Variants in NCOA2 observed in about 807,000 individuals in gnomAD.
The protein encoded by NCOA2 is class E basic helix-loop-helix protein 75.
Under a neutral mutation model 145.1 loss-of-function variants are expected in NCOA2, and 21 were observed. That is an observed-to-expected ratio of 0.14 (90% CI 0.10 to 0.21). The LOEUF (loss-of-function observed/expected upper bound fraction) is 0.21, where lower values mean the gene tolerates loss of function less well. Among genes scored for constraint, NCOA2 ranks in the 10% least tolerant of loss-of-function variants. The probability of loss-of-function intolerance (pLI) is 1.00; values close to 1 mark genes in which losing one functional copy is unlikely to be tolerated. For synonymous variants in NCOA2, 619 were observed against 637.5 expected (o/e 0.97, Z 0.44); for missense variants, 1,472 against 1,837.6 (o/e 0.80, Z 3.64).
intron 1 of NCOA2, among the ~76,000 whole-genome samples, chr8:70,361,406 G>T (rs991109406): frequency 6.6e-6 from 1 of 151,570 alleles, no homozygotes; most frequent in Non-Finnish European, 1.5e-5. Flanking sequence ...CTAGGCAGGA[G>T]AATCACTTGA....
intron 2 of NCOA2, among the ~76,000 whole-genome samples, chr8:70,280,459 T>C (rs1421695886): frequency 6.6e-6 from 1 of 152,146 alleles, no homozygotes; most frequent in Admixed American, 6.5e-5. Flanking sequence ...AATTGAAGGG[T>C]CAGGTTTGGT....
At chr8:70,141,422 T>A in intron 13 of NCOA2, 23 bp from the exon 14 acceptor site, 1 of 1,598,148 alleles carries the variant, frequency 6.3e-7, no homozygotes, top group South Asian at 1.1e-5. Flanking sequence ...CAAAGAAAAC[T>A]GAGAGATGCA....
chr8:70,331,464 T>C (rs1324182396), intron 1 of NCOA2, among the ~76,000 whole-genome samples: 2 of 152,174 alleles, frequency 1.3e-5, no homozygotes, highest in East Asian at 3.8e-4. Flanking sequence ...TACAGATTTT[T>C]TCCTTTTTAC....
At chr8:70,126,531 T>C in intron 19 of NCOA2, 2 of 456,676 alleles carry the variant, frequency 4.4e-6, no homozygotes, top group Non-Finnish European at 7.9e-6. Context: ...GCACACAAGA[T>C]AGACACAGTC....
chr8:70,447,798 C>T, the NCOA2 span, among the ~76,000 whole-genome samples: 39 of 151,672 alleles, frequency 2.6e-4, no homozygotes, highest in Non-Finnish European at 4.6e-4. Context: ...GATCCTCCCA[C>T]CTCAGTCTCC....
the NCOA2 span, among the ~76,000 whole-genome samples, chr8:70,440,243 C>T: frequency 1.3e-4 from 20 of 151,796 alleles, no homozygotes; most frequent in African/African-American, 4.1e-4. Context: ...CACCACTGCA[C>T]TCCAGCCTGG....
At chr8:70,177,660 T>C (rs1815020692) in intron 4 of NCOA2, among the ~76,000 whole-genome samples, 1 of 152,222 alleles carries the variant, frequency 6.6e-6, no homozygotes, top group Non-Finnish European at 1.5e-5. Context: ...TCAAGAAGTT[T>C]CAAGGCATCT....
intron 1 of NCOA2, among the ~76,000 whole-genome samples, chr8:70,306,503 G>A (rs550932141): frequency 1.3e-5 from 2 of 152,310 alleles, no homozygotes; most frequent in Admixed American, 1.3e-4. Flanking sequence ...TAGATCTTGA[G>A]ATGAGCATTC....
chr8:70,351,377 A>G (rs891681617), intron 1 of NCOA2, among the ~76,000 whole-genome samples: 5 of 152,158 alleles, frequency 3.3e-5, no homozygotes, highest in African/African-American at 1.2e-4. Context: ...CTTGTTTGCT[A>G]ATTAAACCCA....
At chr8:70,399,198 T>C (rs1813989368) in intron 1 of NCOA2, among the ~76,000 whole-genome samples, 1 of 152,220 alleles carries the variant, frequency 6.6e-6, no homozygotes, top group Non-Finnish European at 1.5e-5. Flanking sequence ...TAATAGACTT[T>C]AGAGAGTAAT....
At chr8:70,332,308 A>C (rs1471998620) in intron 1 of NCOA2, among the ~76,000 whole-genome samples, 1 of 152,214 alleles carries the variant, frequency 6.6e-6, no homozygotes, top group South Asian at 2.1e-4. Context: ...CTGTGAATTA[A>C]AATGGCTACA....
At chr8:70,429,860 T>G in the NCOA2 span, among the ~76,000 whole-genome samples, 11 of 152,154 alleles carry the variant, frequency 7.2e-5, no homozygotes, top group South Asian at 2.1e-4. Context: ...TTTTTGTGTG[T>G]GTGGGGTTTT....
chr8:70,297,421 A>C (rs1827172926), intron 1 of NCOA2, among the ~76,000 whole-genome samples: 1 of 152,096 alleles, frequency 6.6e-6, no homozygotes, highest in African/African-American at 2.4e-5. Flanking sequence ...GCAACCTCAA[A>C]CTCGTAGGCT....
chr8:70,414,341 C>G, the NCOA2 span, among the ~76,000 whole-genome samples: 2 of 152,138 alleles, frequency 1.3e-5, no homozygotes, highest in Non-Finnish European at 2.9e-5. Context: ...GGCTTTGCAG[C>G]TGTTTCTCTC....
At chr8:70,140,566 G>A (rs894134735) in intron 14 of NCOA2, among the ~76,000 whole-genome samples, 1 of 142,698 alleles carries the variant, frequency 7.0e-6, no homozygotes, top group Admixed American at 7.1e-5. Context: ...ATCACACAGC[G>A]TTAGAAACTA....
chr8:70,267,392 GTTTTT>G (rs34028372), intron 2 of NCOA2, among the ~76,000 whole-genome samples: 20 of 102,486 alleles, frequency 2.0e-4, no homozygotes, highest in South Asian at 9.4e-4. Flanking sequence ...TTTCCTTTCT[GTTTTT>G]TTTTTTTTTT....
chr8:70,272,354 C>A (rs1451212705), intron 2 of NCOA2, among the ~76,000 whole-genome samples: 3 of 152,128 alleles, frequency 2.0e-5, no homozygotes, highest in Non-Finnish European at 4.4e-5. Flanking sequence ...AACATGAAAC[C>A]CCTACCCCCA....
At chr8:70,160,577 GC>G (rs1292186197) in intron 9 of NCOA2, among the ~76,000 whole-genome samples, 2 of 150,964 alleles carry the variant, frequency 1.3e-5, no homozygotes, top group Admixed American at 6.6e-5. Context: ...ATAATCCTCA[GC>G]ACAAATTTTG....
intron 1 of NCOA2, among the ~76,000 whole-genome samples, chr8:70,382,497 A>C (rs1229758142): frequency 6.6e-6 from 1 of 152,204 alleles, no homozygotes; most frequent in Non-Finnish European, 1.5e-5. Context: ...CCATGTTGGG[A>C]AAGTTTGAAT....
Sources: gnomAD v4.1 joint callset for allele counts (sites outside exome capture counted in the v4.1 genomes callset) on GRCh38, gnomAD v4.1.1 for gene constraint, MANE v1.5 for transcripts, NCBI Gene and HGNC (gene_info 2026-07-23, HGNC 2026-07-21) for gene names.